Variants in MTSS1 observed in about 807,000 individuals in gnomAD.
MTSS1 encodes protein MTSS 1.
A neutral mutation model predicts 79.0 loss-of-function variants in MTSS1; 18 were observed. The ratio of observed to expected loss-of-function variants is 0.23; its 90% CI spans 0.16 to 0.34. MTSS1 has a LOEUF of 0.34. MTSS1 is among the 10% of genes least tolerant of loss of function. The pLI is 1.00. For missense variants in MTSS1, 815 were observed against 986.2 expected (o/e 0.83, Z 2.33); for synonymous variants, 341 against 368.6 (o/e 0.93, Z 0.86).
chr8:124,686,818 G>A (rs1827061475), intron 3 of MTSS1, among the ~76,000 whole-genome samples: 1 of 152,142 alleles, frequency 6.6e-6, no homozygotes, highest in Non-Finnish European at 1.5e-5. Flanking sequence ...ACTGATCCCT[G>A]AGGTGGGAAG....
chr8:124,724,037 C>T (rs1011153807), intron 1 of MTSS1, among the ~76,000 whole-genome samples: 1 of 152,106 alleles, frequency 6.6e-6, no homozygotes, highest in Non-Finnish European at 1.5e-5. Context: ...AAGGAGCTCT[C>T]CAAGGGCAGA....
chr8:124,622,775 A>C (rs891191605), intron 3 of MTSS1, among the ~76,000 whole-genome samples: 7 of 146,722 alleles, frequency 4.8e-5, no homozygotes, highest in Non-Finnish European at 8.9e-5. Flanking sequence ...CCTGGGCGGC[A>C]GAGCAGGGAG....
intron 3 of MTSS1, among the ~76,000 whole-genome samples, chr8:124,671,172 T>G (rs1824123828): frequency 6.6e-6 from 1 of 152,022 alleles, no homozygotes; most frequent in African/African-American, 2.4e-5. Flanking sequence ...CTAGGCTCCC[T>G]CAAATACTTT....
chr8:124,558,095 T>C, intron 10 of MTSS1: 2 of 491,694 alleles, frequency 4.1e-6, no homozygotes, highest in Non-Finnish European at 7.2e-6. Flanking sequence ...AATAAGCATC[T>C]ATGTTTGACC....
intron 3 of MTSS1, among the ~76,000 whole-genome samples, chr8:124,687,337 A>C (rs1389682529): frequency 6.6e-6 from 1 of 152,092 alleles, no homozygotes; most frequent in Non-Finnish European, 1.5e-5. Flanking sequence ...GTGCGTTTAC[A>C]TGGCTCATAT....
intron 3 of MTSS1, among the ~76,000 whole-genome samples, chr8:124,617,387 C>A (rs1318859824): frequency 6.6e-6 from 1 of 152,200 alleles, no homozygotes; most frequent in African/African-American, 2.4e-5. Context: ...AGGCCTCTGA[C>A]TCCTTTAACC....
chr8:124,585,012 G>A, intron 6 of MTSS1, 75 bp downstream of exon 6: 8 of 1,288,840 alleles, frequency 6.2e-6, no homozygotes, highest in Non-Finnish European at 5.6e-6. Context: ...TCTCTGAAGT[G>A]AACACCTTTC....
In MTSS1 at chr8:124,585,143, T is replaced by C. The variant is rs770848316; in HGVS notation, c.404A>G (p.Gln135Arg). Residue 135 changes from glutamine (Q) to arginine (R), a missense_variant, in exon 6 of 14, where the codon CAA (glutamine) becomes CGA (arginine). This residue lies in a region of MTSS1 where 225 missense variants were observed against 365.4 expected (regional missense o/e 0.62). Transcript: ENST00000518547. The part of the protein sequence containing the change: ...DHAKEYKKAR[Q>R]EIKKKSSDTL... Reference sequence around the variant, plus strand: ...ATCCGAGGACTTCTTTTTTATCTCTTGGCGGGCTTTCTTATATTCTAAGAG... The same window carrying C: ...ATCCGAGGACTTCTTTTTTATCTCTCGGCGGGCTTTCTTATATTCTAAGAG... The C allele has an allele frequency of 1.9e-6, 3 of 1,613,428 alleles. No homozygotes were observed. The African/African-American group carries it at 4.0e-5, about 22-fold the overall frequency.
At chr8:124,658,375 G>A (rs1027441280) in intron 3 of MTSS1, among the ~76,000 whole-genome samples, 19 of 152,168 alleles carry the variant, frequency 1.2e-4, no homozygotes, top group African/African-American at 3.9e-4. Context: ...CATGTAAGAA[G>A]TGCCTTTCAT....
intron 6 of MTSS1, chr8:124,580,716 C>A: frequency 1.3e-6 from 1 of 750,766 alleles, no homozygotes; most frequent in East Asian, 2.8e-5. Flanking sequence ...TCTATTAGGG[C>A]TGATTAAACC....
chr8:124,641,504 T>A (rs748449841), intron 3 of MTSS1, among the ~76,000 whole-genome samples: 13 of 152,084 alleles, frequency 8.5e-5, no homozygotes, highest in Non-Finnish European at 1.5e-4. Context: ...TAAGAACATA[T>A]GGAAAGTGCC....
chr8:124,611,209 C>T (rs1393465363), intron 3 of MTSS1, among the ~76,000 whole-genome samples: 1 of 150,750 alleles, frequency 6.6e-6, no homozygotes. Flanking sequence ...GAGACAAATG[C>T]ACATGGATTC....
intron 3 of MTSS1, among the ~76,000 whole-genome samples, chr8:124,692,723 G>A (rs867840348): frequency 1.3e-5 from 2 of 152,156 alleles, no homozygotes; most frequent in Non-Finnish European, 2.9e-5. Flanking sequence ...CTGAACTCCA[G>A]GGAGGAATCC....
chr8:124,562,356 G>A (rs926629162), intron 10 of MTSS1, among the ~76,000 whole-genome samples: 1 of 152,204 alleles, frequency 6.6e-6, no homozygotes, highest in Non-Finnish European at 1.5e-5. Flanking sequence ...GAGCGCCAAG[G>A]GATGGTATCG....
chr8:124,555,938 T>G, intron 12 of MTSS1, 34 bp from the exon 13 acceptor site: 1 of 1,565,562 alleles, frequency 6.4e-7, no homozygotes. Flanking sequence ...CACAGGTTGC[T>G]TTAGGGGGGG....
In MTSS1 at chr8:124,567,060, C is replaced by G; in HGVS notation, c.726+11G>C. Reference sequence around the variant, plus strand: ...GTTTGATCCTGTAAGTGCTTAACCCCTGAAGCCTACCTGTTCACTTGAGGA... The same window carrying G: ...GTTTGATCCTGTAAGTGCTTAACCCGTGAAGCCTACCTGTTCACTTGAGGA... On this transcript the variant is annotated intron_variant, in intron 8 of 13. Transcript: ENST00000518547. 2 of 1,598,296 alleles carry G rather than the reference C, an allele frequency of 1.3e-6. No homozygotes were observed. Among genetic ancestry groups the G allele is most frequent in the Non-Finnish European group, 1.7e-6 (2 of 1,165,644 alleles).
chr8:124,698,529 G>C (rs1341134821), intron 3 of MTSS1, among the ~76,000 whole-genome samples: 1 of 126,658 alleles, frequency 7.9e-6, no homozygotes, highest in Non-Finnish European at 1.6e-5. Flanking sequence ...TTTTTTTTGA[G>C]ACAGAGTCCC....
intron 1 of MTSS1, among the ~76,000 whole-genome samples, chr8:124,721,143 G>A (rs1832852775): frequency 6.6e-6 from 1 of 152,102 alleles, no homozygotes; most frequent in Admixed American, 6.5e-5. Context: ...CAACTGTTCC[G>A]TACGGTAGCT....
intron 1 of MTSS1, among the ~76,000 whole-genome samples, chr8:124,718,250 C>A (rs1395426202): frequency 7.6e-6 from 1 of 131,324 alleles, no homozygotes. Flanking sequence ...GCTCTCAAAA[C>A]ATCTGCTAAT....
Sources: allele counts gnomAD v4.1 joint callset (sites outside exome capture counted in the v4.1 genomes callset), GRCh38; gene constraint gnomAD v4.1.1; regional missense constraint gnomAD v4.1.1; transcripts MANE v1.5; gene names NCBI Gene and HGNC (gene_info 2026-07-23, HGNC 2026-07-21).